RPS3: variants seen among roughly 807,000 people sequenced by gnomAD.
The protein encoded by RPS3 is ribosomal protein S3.
Under a neutral mutation model 25.8 loss-of-function variants are expected in RPS3, and 2 were observed. The ratio of observed to expected loss-of-function variants is 0.08; its 90% CI spans 0.03 to 0.24. The LOEUF is 0.24. Ranked by LOEUF, RPS3 falls within the 10% of genes least tolerant of loss-of-function variation. The pLI is 1.00. For missense variants in RPS3, 107 were observed against 307.1 expected (o/e 0.35, Z 4.87); for synonymous variants, 114 against 114.2 (o/e 1.00, Z 0.01).
intron 1 of RPS3, chr11:75,400,262 A>G (rs1948187215): frequency 4.7e-6 from 2 of 428,018 alleles, no homozygotes; most frequent in African/African-American, 4.1e-5. Flanking sequence ...TACAAGTGAG[A>G]GAGCTTATAT....
chr11:75,401,178 G>T (rs1948205008), intron 2 of RPS3, among the ~76,000 whole-genome samples: 1 of 152,156 alleles, frequency 6.6e-6, no homozygotes, highest in Admixed American at 6.5e-5. Flanking sequence ...CACCGCGCCC[G>T]GCAGGTTTAT....
chr11:75,401,140 C>T (rs984531842), intron 2 of RPS3, among the ~76,000 whole-genome samples: 3 of 152,138 alleles, frequency 2.0e-5, no homozygotes, highest in Non-Finnish European at 4.4e-5. Context: ...CCTCAGCCTC[C>T]CAAAGTGCTG....
downstream of RPS3, among the ~76,000 whole-genome samples, chr11:75,408,588 T>C (rs1420092348): frequency 6.6e-6 from 1 of 152,190 alleles, no homozygotes; most frequent in East Asian, 1.9e-4. Flanking sequence ...GGGAGGTTTT[T>C]TTTCTTTTTG....
At chr11:75,409,196 TA>T (rs1485135588), downstream of RPS3, among the ~76,000 whole-genome samples, 4 of 150,222 alleles carry the variant, frequency 2.7e-5, no homozygotes, top group East Asian at 1.9e-4. Flanking sequence ...TTTATTTATT[TA>T]TTTTTTTATT....
At chr11:75,417,521 C>T (rs1415601742) in intron 6 of RPS3, among the ~76,000 whole-genome samples, 2 of 152,196 alleles carry the variant, frequency 1.3e-5, no homozygotes, top group South Asian at 2.1e-4. Context: ...GGCGTGAACC[C>T]GGGAGGCGGA....
At chr11:75,400,384 T>G (rs767695757) in intron 1 of RPS3, 2 of 532,918 alleles carry the variant, frequency 3.8e-6, no homozygotes, top group Non-Finnish European at 7.4e-6. Flanking sequence ...TGGAACTGTT[T>G]TAAACCCTTC....
In RPS3 at chr11:75,404,267, C is replaced by A; in HGVS notation, c.538+60C>A. On this transcript the variant is annotated intron_variant, in intron 5 of 6. Coordinates refer to ENST00000531188, the MANE Select transcript of RPS3 (RefSeq NM_001005.5). The surrounding 1 kb of genome is among the most constrained non-coding windows in gnomAD (Gnocchi z 4.6). The stretch of plus-strand genomic sequence containing the variant: ...GTGGACAGATTTGGTTTTCCACAGA[C>A]ATCTTAAGTATTTGGGGGAGTTTAT... 1 of 1,470,122 alleles carries A rather than the reference C, an allele frequency of 6.8e-7. No individual in the cohort carries two copies. Among genetic ancestry groups the A allele is most frequent in the Non-Finnish European group, 9.4e-7 (1 of 1,060,814 alleles). 91.1% of individuals were successfully genotyped at this position (1,470,122 alleles called of 1,614,324 possible).
rs1398354697 is a variant in RPS3, at chr11:75,404,242, G to A, written c.538+35G>A. 2 of 1,590,822 alleles carry A rather than the reference G, an allele frequency of 1.3e-6. No homozygotes were observed. Among genetic ancestry groups the A allele is most frequent in the African/African-American group, 2.7e-5 (2 of 74,428 alleles). On this transcript the variant is annotated intron_variant, in intron 5 of 6. Transcript: ENST00000531188. The surrounding 1 kb of genome is among the most constrained non-coding windows in gnomAD (Gnocchi z 4.6). ...TGAGAGTGCTTGGCAAAGGGCATTT[G>A]TGGACAGATTTGGTTTTCCACAGAC... is the stretch of plus-strand genomic sequence containing the variant.
chr11:75,414,033 C>G (rs1446174699), intron 6 of RPS3, among the ~76,000 whole-genome samples: 2 of 152,130 alleles, frequency 1.3e-5, no homozygotes, highest in African/African-American at 4.8e-5. Flanking sequence ...TTCAGCTGTC[C>G]CTTTTTCTTT....
downstream of RPS3, among the ~76,000 whole-genome samples, chr11:75,410,159 CG>C (rs1330660770): frequency 7.3e-5 from 11 of 150,214 alleles, no homozygotes; most frequent in South Asian, 2.3e-3. Context: ...GCTGGCCGGG[CG>C]GGGGGCTGAC....
chr11:75,400,490 G>C (rs1948193442), intron 1 of RPS3: 1 of 726,942 alleles, frequency 1.4e-6, no homozygotes, highest in African/African-American at 1.7e-5. Flanking sequence ...AAAGAGCCCT[G>C]GTTGAAGTAA....
intron 6 of RPS3, among the ~76,000 whole-genome samples, chr11:75,417,647 G>A (rs762681216): frequency 1.3e-5 from 2 of 152,210 alleles, no homozygotes; most frequent in Non-Finnish European, 2.9e-5. Flanking sequence ...CATGCCTGTA[G>A]TCTCAGCTAC....
chr11:75,421,209 C>T (rs753008870), intron 6 of RPS3, among the ~76,000 whole-genome samples: 13 of 152,084 alleles, frequency 8.5e-5, no homozygotes, highest in Non-Finnish European at 1.8e-4. Context: ...AGCTGGGACC[C>T]GGGCCTTTAC....
chr11:75,421,548 A>ACAT (rs761179133), intron 6 of RPS3, among the ~76,000 whole-genome samples: 1 of 152,154 alleles, frequency 6.6e-6, no homozygotes, highest in Non-Finnish European at 1.5e-5. Flanking sequence ...GCTTATAATG[A>ACAT]CATCAGGGGC....
At chr11:75,414,634 A>G (rs1201884495) in intron 6 of RPS3, among the ~76,000 whole-genome samples, 1 of 152,182 alleles carries the variant, frequency 6.6e-6, no homozygotes, top group Non-Finnish European at 1.5e-5. Flanking sequence ...AAATAAATAA[A>G]AAAGGTTATT....
intron 4 of RPS3, chr11:75,403,464 C>T (rs1948240209): frequency 6.6e-6 from 1 of 152,406 alleles, no homozygotes; most frequent in African/African-American, 2.4e-5. Context: ...TAGTATCTCG[C>T]AGAGCGTAAA....
chr11:75,408,291 C>T (rs1253330713), downstream of RPS3, among the ~76,000 whole-genome samples: 1 of 152,024 alleles, frequency 6.6e-6, no homozygotes, highest in Non-Finnish European at 1.5e-5. Context: ...TCACTTGAGC[C>T]CAGAAGTTCC....
chr11:75,411,450 C>T (rs558846266), downstream of RPS3, among the ~76,000 whole-genome samples: 7 of 152,188 alleles, frequency 4.6e-5, no homozygotes, highest in East Asian at 5.8e-4. Flanking sequence ...AGTGCAGTGG[C>T]GCAATCTCGG....
intron 6 of RPS3, among the ~76,000 whole-genome samples, chr11:75,420,615 G>A (rs967536214): frequency 6.6e-6 from 1 of 152,036 alleles, no homozygotes; most frequent in African/African-American, 2.4e-5. Context: ...GCAGGCGGGC[G>A]GCAATAGTGC....
Sources: gnomAD v4.1 joint callset for allele counts (sites outside exome capture counted in the v4.1 genomes callset) on GRCh38, gnomAD v4.1.1 for gene constraint, Gnocchi (gnomAD v3.1) non-coding constraint, MANE v1.5 for transcripts, NCBI Gene and HGNC (gene_info 2026-07-23, HGNC 2026-07-21) for gene names.